Variants in ASCC1 observed in about 807,000 individuals in gnomAD.
ASCC1 encodes the protein activating signal cointegrator 1 complex subunit 1, also known as ASC-1 complex subunit P50.
In ASCC1, 35 loss-of-function variants were observed where a neutral mutation model predicts 46.6. The observed-to-expected ratio is 0.75, with a 90% CI of 0.57 to 0.99. The LOEUF (loss-of-function observed/expected upper bound fraction) is 0.99, where lower values mean the gene tolerates loss of function less well. Among genes scored for constraint, ASCC1 ranks in the 50% least tolerant of loss-of-function variants. The probability of loss-of-function intolerance (pLI) is 0.00; values close to 1 mark genes in which losing one functional copy is unlikely to be tolerated. For synonymous variants in ASCC1, 143 were observed against 146.6 expected (o/e 0.98, Z 0.18); for missense variants, 376 against 428.7 (o/e 0.88, Z 1.09).
chr10:72,145,058 A>C (rs185058361), intron 7 of ASCC1, among the ~76,000 whole-genome samples: 7 of 152,094 alleles, frequency 4.6e-5, no homozygotes, highest in African/African-American at 1.7e-4. Context: ...TTTTTTCCTG[A>C]GTACACAATT....
At chr10:72,159,658 A>T (rs1849389033) in intron 6 of ASCC1, among the ~76,000 whole-genome samples, 1 of 152,152 alleles carries the variant, frequency 6.6e-6, no homozygotes, top group Non-Finnish European at 1.5e-5. Flanking sequence ...TATAAGGGAA[A>T]TGGAAAGTAT....
At chr10:72,170,472 G>A (rs538681506) in intron 5 of ASCC1, among the ~76,000 whole-genome samples, 1 of 151,888 alleles carries the variant, frequency 6.6e-6, no homozygotes, top group Non-Finnish European at 1.5e-5. Context: ...AAGAGCCGGC[G>A]TGGCACCGTG....
At chr10:72,205,028 C>T (rs1309496078) in intron 3 of ASCC1, among the ~76,000 whole-genome samples, 1 of 152,224 alleles carries the variant, frequency 6.6e-6, no homozygotes, top group Admixed American at 6.5e-5. Flanking sequence ...ATTCATATAA[C>T]CACTGTAAGC....
chr10:72,131,344 G>A (rs1002797494), intron 8 of ASCC1, among the ~76,000 whole-genome samples: 1 of 150,956 alleles, frequency 6.6e-6, no homozygotes, highest in Non-Finnish European at 1.5e-5. Flanking sequence ...GCTTCAACCT[G>A]GGGGGCGGAG....
chr10:72,171,576 G>A (rs916366312), intron 5 of ASCC1, among the ~76,000 whole-genome samples: 2 of 151,994 alleles, frequency 1.3e-5, no homozygotes, highest in African/African-American at 4.8e-5. Flanking sequence ...ACAGGCACCC[G>A]CCACCATGTC....
intron 9 of ASCC1, among the ~76,000 whole-genome samples, chr10:72,119,269 A>G (rs1346508880): frequency 6.6e-6 from 1 of 152,380 alleles, no homozygotes. Context: ...GAAATATGCC[A>G]GACCACTTTG....
intron 5 of ASCC1, among the ~76,000 whole-genome samples, chr10:72,189,330 C>G (rs1272110517): frequency 6.6e-6 from 1 of 151,646 alleles, no homozygotes; most frequent in African/African-American, 2.4e-5. Context: ...ATGGCGCAAA[C>G]CTGGGAGGCA....
At chr10:72,207,230 G>A (rs11000221) in intron 3 of ASCC1, among the ~76,000 whole-genome samples, 118 of 152,016 alleles carry the variant, frequency 7.8e-4, no homozygotes, top group Non-Finnish European at 1.1e-3. Context: ...TGACCAACAT[G>A]GCAAAACCCC....
chr10:72,187,147 C>A (rs889737015), intron 5 of ASCC1, among the ~76,000 whole-genome samples: 1 of 152,114 alleles, frequency 6.6e-6, no homozygotes, highest in Non-Finnish European at 1.5e-5. Context: ...GATCTCCTAC[C>A]CCACCCTCCA....
intron 7 of ASCC1, among the ~76,000 whole-genome samples, chr10:72,136,574 G>T (rs1846238184): frequency 6.6e-6 from 1 of 152,204 alleles, no homozygotes; most frequent in African/African-American, 2.4e-5. Context: ...AATCAGCAGG[G>T]GGATGTGGGC....
At chr10:72,114,392 G>A (rs1414723849) in intron 9 of ASCC1, among the ~76,000 whole-genome samples, 4 of 152,278 alleles carry the variant, frequency 2.6e-5, no homozygotes, top group Non-Finnish European at 5.9e-5. Context: ...TTGGGAGGCC[G>A]AGGCAGGCGG....
intron 2 of ASCC1, 61 bp from the exon 3 acceptor site, chr10:72,210,892 G>C (rs184006546): frequency 6.5e-7 from 1 of 1,527,170 alleles, no homozygotes; most frequent in African/African-American, 1.4e-5. Context: ...AACAGCTTTC[G>C]CCTCAGCTGT....
chr10:72,108,600 A>G (rs1842608816), intron 9 of ASCC1, among the ~76,000 whole-genome samples: 1 of 152,076 alleles, frequency 6.6e-6, no homozygotes, highest in South Asian at 2.1e-4. Flanking sequence ...CCAGCTTTTC[A>G]CTTGAATAAA....
In ASCC1 at chr10:72,157,763, G is replaced by A. The variant is rs536787509; in HGVS notation, c.626+3775C>T. 2.0e-5 allele frequency among the ~76,000 whole-genome samples: 3 copies of A among 152,244 alleles called. No individual in the cohort carries two copies. The South Asian group carries it at 6.2e-4, about 32-fold the overall frequency. On this transcript the variant is annotated intron_variant, in intron 6 of 9. Transcript: ENST00000672957. ...TTTTATGTTGTATTTTACCACAACTGAAAATTTTTTTAAACTATAAAAAAA... is the reference window on the plus strand; with the variant it reads ...TTTTATGTTGTATTTTACCACAACTAAAAATTTTTTTAAACTATAAAAAAA...
Position 72,096,888 on chromosome 10 carries a change from G to C in ASCC1, c.*446C>G, listed in dbSNP as rs1471633676. On this transcript the variant is annotated 3_prime_UTR_variant, in exon 10 of 10. Coordinates refer to ENST00000672957, the MANE Select transcript of ASCC1 (RefSeq NM_001198800.3). ...AAACCAGAGAGACAGAAAGCAGAAT[G>C]GTGGCTGCGGGGGCTGGGAGGAGTG... 2 of 454,112 alleles carry C rather than the reference G, an allele frequency of 4.4e-6. No individual in the cohort carries two copies. The highest frequency in any genetic ancestry group is 2.0e-5 in the African/African-American group (1 of 50,118). 28.1% of individuals were successfully genotyped at this position (454,112 alleles called of 1,614,324 possible). A position where few individuals can be genotyped will look rare whatever the true frequency, so the allele number is the denominator to read the frequency against.
At chr10:72,157,135 A>G (rs1268448965) in intron 6 of ASCC1, among the ~76,000 whole-genome samples, 2 of 152,220 alleles carry the variant, frequency 1.3e-5, no homozygotes, top group African/African-American at 4.8e-5. Context: ...AAGAAAAATT[A>G]CAGCCTTGAT....
chr10:72,139,369 C>T (rs1321429419), intron 7 of ASCC1, among the ~76,000 whole-genome samples: 1 of 152,118 alleles, frequency 6.6e-6, no homozygotes, highest in Non-Finnish European at 1.5e-5. Context: ...CCAACCTTGG[C>T]CTCCCAAAGT....
chr10:72,174,568 A>C (rs964706970), intron 5 of ASCC1, among the ~76,000 whole-genome samples: 4 of 152,232 alleles, frequency 2.6e-5, no homozygotes, highest in Non-Finnish European at 5.9e-5. Flanking sequence ...CTAGTGAAGA[A>C]TCTGATCCAA....
At chr10:72,151,259 T>G (rs1371191324) in intron 7 of ASCC1, among the ~76,000 whole-genome samples, 2 of 152,230 alleles carry the variant, frequency 1.3e-5, no homozygotes, top group Non-Finnish European at 2.9e-5. Flanking sequence ...TGGAATACTA[T>G]GCAGCCATAA....
Sources: allele counts gnomAD v4.1 joint callset (sites outside exome capture counted in the v4.1 genomes callset), GRCh38; gene constraint gnomAD v4.1.1; transcripts MANE v1.5; gene names NCBI Gene and HGNC (gene_info 2026-07-23, HGNC 2026-07-21).